TSPAN33: variants seen among roughly 807,000 people sequenced by gnomAD.
TSPAN33 encodes the protein tetraspanin-33.
Under a neutral mutation model 34.8 loss-of-function variants are expected in TSPAN33, and 27 were observed. That is an observed-to-expected ratio of 0.78 (90% CI 0.57 to 1.07). The LOEUF is 1.07. TSPAN33 is among the 50% of genes least tolerant of loss of function. The probability of loss-of-function intolerance (pLI) is 0.00; values close to 1 mark genes in which losing one functional copy is unlikely to be tolerated. For synonymous variants in TSPAN33, 119 were observed against 124.2 expected, an observed-to-expected ratio of 0.96 and a Z score of 0.28; for missense variants, 272 against 324.9, an observed-to-expected ratio of 0.84 and a Z score of 1.25.
rs1377303275 is a variant in TSPAN33 at position 129,148,052 on chromosome 7, A to T, written c.102+2970A>T. ...TGCATTTAAATCAGTTAGGGTGGCT[A>T]CAGAGCAGCTGCCTCTCCTCACCTC... On this transcript the variant is annotated intron_variant, in intron 1 of 7. Transcript: ENST00000486685. The surrounding 1 kb of genome is among the most constrained non-coding windows in gnomAD (Gnocchi z 4.2). 2.6e-5 allele frequency among the ~76,000 whole-genome samples: 4 copies of T among 152,146 alleles called. No homozygotes were observed. Among genetic ancestry groups the T allele is most frequent in the Non-Finnish European group, 1.5e-5 (1 of 68,016 alleles).
intron 1 of TSPAN33, among the ~76,000 whole-genome samples, chr7:129,151,270 G>A (rs1356456824): frequency 6.6e-6 from 1 of 152,058 alleles, no homozygotes; most frequent in Non-Finnish European, 1.5e-5. Context: ...TGGACTACAG[G>A]CATGCATCAC....
intron 1 of TSPAN33, among the ~76,000 whole-genome samples, chr7:129,156,557 G>T (rs944299327): frequency 6.6e-6 from 1 of 152,020 alleles, no homozygotes; most frequent in African/African-American, 2.4e-5. Context: ...TATCAGCATG[G>T]GCCCACAGAT....
In TSPAN33 at chr7:129,162,877, T is replaced by C; in HGVS notation, c.333T>C (p.Ala111=). The change falls in exon 4 of 8, where the codon GCT becomes GCC. Residue 111 remains alanine, a synonymous_variant. Transcript: ENST00000486685. Reference sequence around the variant, plus strand: ...CTGTGTTCCTGCTGCAGCTGGCCGCTGGGATCCTGGGCTTCGTCTTCTCAG... The same window carrying C: ...CTGTGTTCCTGCTGCAGCTGGCCGCCGGGATCCTGGGCTTCGTCTTCTCAG... ...LTAVFLLQLA[A]GILGFVFSDK... is the part of the protein sequence containing the mutation. The C allele has an allele frequency of 1.9e-6, 3 of 1,613,952 alleles. No individual in the cohort carries two copies. The highest frequency in any genetic ancestry group is 1.7e-6 in the Non-Finnish European group (2 of 1,179,910).
Position 129,160,260 on chromosome 7 carries a change from C to T in TSPAN33, c.103-1419C>T, listed in dbSNP as rs549054356. Among the ~76,000 whole-genome samples the T allele has an allele frequency of 3.9e-5, 6 of 152,302 alleles. No homozygotes were observed. In the East Asian group the frequency reaches 5.8e-4, roughly 15 times the overall value. On this transcript the variant is annotated intron_variant, in intron 1 of 7. Transcript: ENST00000486685. ...CCTAGCTCCCTTCTTCCACCAAAGC[C>T]CCATGGTGGCTCTTTCCAGCTGCTT...
Position 129,150,148 on chromosome 7 carries a change from G to A in TSPAN33, c.102+5066G>A, listed in dbSNP as rs138489598. Among the ~76,000 whole-genome samples the A allele has an allele frequency of 4.6e-3, 696 of 152,114 alleles. 5 individuals are homozygous for A. The highest frequency in any genetic ancestry group is 0.016 in the African/African-American group (671 of 41,498). On this transcript the variant is annotated intron_variant, in intron 1 of 7. Coordinates refer to ENST00000486685, the MANE Select transcript of TSPAN33 (RefSeq NM_178562.5). Reference sequence around the variant, plus strand: ...GAAAGAGATTCTAAGGAGGGGGTGCGGGCCCTGAGACAGTGGGGCTCCACT... The same window carrying A: ...GAAAGAGATTCTAAGGAGGGGGTGCAGGCCCTGAGACAGTGGGGCTCCACT...
rs1277046250 is a variant in TSPAN33, at chr7:129,162,820, T to C, written c.289-13T>C. 13 of 1,613,304 alleles carry C rather than the reference T, an allele frequency of 8.1e-6. No homozygotes were observed. Among genetic ancestry groups the C allele is most frequent in the Non-Finnish European group, 1.1e-5 (13 of 1,179,886 alleles). On this transcript the variant is annotated splice_polypyrimidine_tract_variant and intron_variant, in intron 3 of 7. Transcript: ENST00000486685. ...AGTGGTCCTAGACGCCTCTTCTTCC[T>C]GCTGCTCCACAGTTCTCCCTCTGCC...
chr7:129,164,660 A>G (rs1793109707), intron 5 of TSPAN33, 91 bp downstream of exon 5: 1 of 1,205,972 alleles, frequency 8.3e-7, no homozygotes, highest in Non-Finnish European at 1.2e-6. Flanking sequence ...GGGGCTCTTC[A>G]TTACCTGCCA....
intron 1 of TSPAN33, among the ~76,000 whole-genome samples, chr7:129,159,253 G>A (rs1348864427): frequency 6.6e-6 from 1 of 152,126 alleles, no homozygotes; most frequent in Non-Finnish European, 1.5e-5. Context: ...TAGAGATGGG[G>A]TTTCACCATG....
intron 1 of TSPAN33, among the ~76,000 whole-genome samples, chr7:129,152,284 A>T (rs547115554): frequency 1.3e-5 from 2 of 152,270 alleles, no homozygotes; most frequent in African/African-American, 4.8e-5. Flanking sequence ...ATGAATGTTC[A>T]TAGCAATACT....
In TSPAN33 at chr7:129,165,204, C is replaced by G. The variant is rs112237738; in HGVS notation, c.459+635C>G. 8.6e-3 allele frequency among the ~76,000 whole-genome samples: 1,301 copies of G among 152,142 alleles called. 22 individuals carry two copies. The highest frequency in any genetic ancestry group is 0.03 in the African/African-American group (1,238 of 41,486). ...CTCCCCATTTTCCTCTCTTGAAACT[C>G]TGTATCCATCAAACACTAACTCCCC... On this transcript the variant is annotated intron_variant, in intron 5 of 7. Coordinates refer to ENST00000486685, the MANE Select transcript of TSPAN33 (RefSeq NM_178562.5). The surrounding 1 kb of genome is among the most constrained non-coding windows in gnomAD (Gnocchi z 4.5).
chr7:129,167,317 G>A lies in TSPAN33; in HGVS notation c.589-82G>A. ...TCTGACAATTTAGGAGTTTGGGAAG[G>A]GTGGGAAGCCCATCAGCTAAGGCCC... On this transcript the variant is annotated intron_variant, in intron 6 of 7. Transcript: ENST00000486685. This position sits in a 1 kb window ranked among gnomAD's most constrained non-coding sequence, Gnocchi z 4.6. 1 of 1,478,152 alleles carries A rather than the reference G, an allele frequency of 6.8e-7. No individual in the cohort carries two copies. 91.6% of individuals were successfully genotyped at this position (1,478,152 alleles called of 1,614,324 possible).
rs1793186912 is a variant in TSPAN33, at chr7:129,168,967, T to A, written c.*1093T>A. ...TGCTGCCCGCCACACGCGCGTCTCC[T>A]TCAACCGATGCATTGCCACCCTCCC... is the stretch of plus-strand genomic sequence containing the variant. On this transcript the variant is annotated 3_prime_UTR_variant, in exon 8 of 8. Coordinates refer to ENST00000486685, the MANE Select transcript of TSPAN33 (RefSeq NM_178562.5). 1 of 152,470 alleles carries A rather than the reference T, an allele frequency of 6.6e-6. No homozygotes were observed. Among genetic ancestry groups the A allele is most frequent in the South Asian group, 2.1e-4 (1 of 4,832 alleles). 9.4% of individuals were successfully genotyped at this position (152,470 alleles called of 1,614,324 possible). A position where few individuals can be genotyped will look rare whatever the true frequency, so the allele number is the denominator to read the frequency against.
intron 5 of TSPAN33, 81 bp from the exon 6 acceptor site, chr7:129,166,696 CT>C: frequency 6.5e-7 from 1 of 1,550,090 alleles, no homozygotes; most frequent in Non-Finnish European, 8.7e-7. Context: ...TTGCTATAGA[CT>C]TTTGGTGGCT....
intron 1 of TSPAN33, among the ~76,000 whole-genome samples, chr7:129,160,505 G>A (rs1222632632): frequency 6.6e-6 from 1 of 152,212 alleles, no homozygotes; most frequent in Non-Finnish European, 1.5e-5. Flanking sequence ...GAGGCCTGGG[G>A]GCTAGGGGGT....
chr7:129,159,996 T>C (rs1358953692), intron 1 of TSPAN33, among the ~76,000 whole-genome samples: 2 of 152,060 alleles, frequency 1.3e-5, no homozygotes, highest in Non-Finnish European at 2.9e-5. Flanking sequence ...TGAGCTATTA[T>C]CATGCCACTG....
At chr7:129,146,803 T>G (rs566781372) in intron 1 of TSPAN33, among the ~76,000 whole-genome samples, 2 of 152,250 alleles carry the variant, frequency 1.3e-5, no homozygotes, top group East Asian at 3.9e-4. Context: ...GCACTAGCAT[T>G]TCAGGGACTT....
chr7:129,164,200 A>G (rs7798321), intron 4 of TSPAN33, among the ~76,000 whole-genome samples: 31,106 of 152,182 alleles, frequency 0.2, 3,330 homozygotes, highest in Admixed American at 0.26. Context: ...TTTTGTGATA[A>G]TAGCATTCAG....
At position 129,165,874 on chromosome 7, in the gene TSPAN33, C is replaced by T. The variant is rs1302515417; in HGVS notation, c.460-904C>T. Among the ~76,000 whole-genome samples the T allele has an allele frequency of 6.6e-6, 1 of 152,038 alleles. No homozygotes were observed. Among genetic ancestry groups the T allele is most frequent in the Non-Finnish European group, 1.5e-5 (1 of 67,992 alleles). ...GCAGTGAGCCAAGATCATGCCATTG[C>T]ACTCCAGCCTGGGTGACAGACAGAG... On this transcript the variant is annotated intron_variant, in intron 5 of 7. Transcript: ENST00000486685. The surrounding 1 kb of genome is among the most constrained non-coding windows in gnomAD (Gnocchi z 4.5).
At chr7:129,161,776 A>G (rs371180434) in intron 2 of TSPAN33, 40 bp downstream of exon 2, 60 of 1,613,062 alleles carry the variant, frequency 3.7e-5, no homozygotes, top group Non-Finnish European at 4.7e-5. Context: ...ACCTTGTGCC[A>G]TGCCCCTTTC....
Sources: allele counts gnomAD v4.1 joint callset (sites outside exome capture counted in the v4.1 genomes callset), GRCh38; gene constraint gnomAD v4.1.1; non-coding constraint Gnocchi (gnomAD v3.1); transcripts MANE v1.5; gene names NCBI Gene and HGNC (gene_info 2026-07-23, HGNC 2026-07-21).